The following TSPAN9 variants were observed in gnomAD, a reference collection of about 807,000 sequenced individuals.
The protein encoded by TSPAN9 is tetraspanin-9.
A neutral mutation model predicts 31.0 loss-of-function variants in TSPAN9; 16 were observed. The observed-to-expected ratio is 0.52, with a 90% CI of 0.35 to 0.78. The LOEUF (loss-of-function observed/expected upper bound fraction) is 0.78. TSPAN9 is among the 30% of genes least tolerant of loss of function. The pLI is 0.01. For synonymous variants in TSPAN9, 145 were observed against 121.6 expected (o/e 1.19, Z -1.27); for missense variants, 272 against 312.5 (o/e 0.87, Z 0.98).
At chr12:3,189,639 C>T (rs897579574) in intron 2 of TSPAN9, among the ~76,000 whole-genome samples, 2 of 152,100 alleles carry the variant, frequency 1.3e-5, no homozygotes, top group Admixed American at 1.3e-4. Context: ...ATGGCTGATT[C>T]GAGGGTGTGA....
chr12:3,268,459 G>A (rs1424806841), intron 3 of TSPAN9, among the ~76,000 whole-genome samples: 2 of 143,774 alleles, frequency 1.4e-5, no homozygotes, highest in Non-Finnish European at 1.5e-5. Context: ...CCTGCAGCCT[G>A]CCCTCTGTGC....
chr12:3,108,435 A>T (rs930192431), intron 2 of TSPAN9, among the ~76,000 whole-genome samples: 24 of 152,160 alleles, frequency 1.6e-4, no homozygotes, highest in Admixed American at 4.6e-4. Context: ...TTCCAGTTTT[A>T]TTCCTTTGAA....
In TSPAN9 at chr12:3,274,940, C is replaced by T. The variant is rs547328586; in HGVS notation, c.64-3481C>T. ...AGAGGAAGCCTTCCAGTCCAGACTG[C>T]GCCCCCGTAGGGTAGGCCGCAGATC... On this transcript the variant is annotated intron_variant, in intron 3 of 8. Transcript: ENST00000011898. 8.5e-5 allele frequency among the ~76,000 whole-genome samples: 13 copies of T among 152,326 alleles called. No homozygotes were observed. In the East Asian group the frequency reaches 1.5e-3, roughly 18 times the overall value.
At chr12:3,176,930 A>G (rs377326661) in intron 2 of TSPAN9, among the ~76,000 whole-genome samples, 19 of 152,312 alleles carry the variant, frequency 1.2e-4, no homozygotes, top group African/African-American at 3.8e-4. Context: ...GAGTATTAGG[A>G]AGGTGCCCCG....
intron 2 of TSPAN9, among the ~76,000 whole-genome samples, chr12:3,117,587 G>A (rs2098323028): frequency 6.6e-6 from 1 of 152,152 alleles, no homozygotes; most frequent in African/African-American, 2.4e-5. Context: ...GCTCTGCCCC[G>A]GGGCAGGCAG....
At chr12:3,103,513 G>T (rs1017698325) in intron 2 of TSPAN9, among the ~76,000 whole-genome samples, 1 of 152,154 alleles carries the variant, frequency 6.6e-6, no homozygotes, top group Non-Finnish European at 1.5e-5. Context: ...GACCTCAAAG[G>T]TCCCTAAACT....
chr12:3,134,425 G>C (rs1293441756), intron 2 of TSPAN9, among the ~76,000 whole-genome samples: 1 of 152,202 alleles, frequency 6.6e-6, no homozygotes, highest in African/African-American at 2.4e-5. Flanking sequence ...AAGGTTCAAG[G>C]AGGGAAGAAA....
At chr12:3,252,829 G>A (rs1181820448) in intron 3 of TSPAN9, among the ~76,000 whole-genome samples, 16 of 152,208 alleles carry the variant, frequency 1.1e-4, no homozygotes, top group Non-Finnish European at 2.1e-4. Flanking sequence ...GCTGCTGGGG[G>A]CGTGTCACTT....
At chr12:3,162,310 A>T (rs1024588350) in intron 2 of TSPAN9, among the ~76,000 whole-genome samples, 5 of 152,230 alleles carry the variant, frequency 3.3e-5, no homozygotes, top group African/African-American at 1.2e-4. Flanking sequence ...CTGATCAATC[A>T]TCCAGCTTCA....
chr12:3,142,565 G>T (rs2098335359), intron 2 of TSPAN9, among the ~76,000 whole-genome samples: 1 of 152,178 alleles, frequency 6.6e-6, no homozygotes, highest in Non-Finnish European at 1.5e-5. Context: ...TAATCCTTTT[G>T]TGAAAATCCG....
chr12:3,185,078 C>A (rs2098360469), intron 2 of TSPAN9, among the ~76,000 whole-genome samples: 2 of 152,262 alleles, frequency 1.3e-5, no homozygotes, highest in African/African-American at 4.8e-5. Flanking sequence ...GTAGTGAAGA[C>A]TGTGTTCTCC....
intron 3 of TSPAN9, among the ~76,000 whole-genome samples, chr12:3,255,541 A>C (rs1379790606): frequency 6.6e-6 from 1 of 152,230 alleles, no homozygotes; most frequent in Non-Finnish European, 1.5e-5. Flanking sequence ...CCAAAGGCAC[A>C]TGGCCTTTGT....
At chr12:3,159,885 T>C (rs1349855759) in intron 2 of TSPAN9, among the ~76,000 whole-genome samples, 1 of 152,186 alleles carries the variant, frequency 6.6e-6, no homozygotes, top group Non-Finnish European at 1.5e-5. Flanking sequence ...GAAAATAAAC[T>C]TCTGTTGTTT....
chr12:3,098,085 AG>A (rs1162044075), intron 2 of TSPAN9, among the ~76,000 whole-genome samples: 25 of 152,218 alleles, frequency 1.6e-4, no homozygotes, highest in African/African-American at 5.5e-4. Flanking sequence ...CGGATGTGAC[AG>A]GCAGAGCGGG....
At chr12:3,235,028 G>C (rs1308568637) in intron 3 of TSPAN9, among the ~76,000 whole-genome samples, 1 of 148,160 alleles carries the variant, frequency 6.7e-6, no homozygotes, top group African/African-American at 2.5e-5. Context: ...TTAGCCGGGC[G>C]TGGTGGTGGG....
rs147562233 is a variant in TSPAN9, at chr12:3,283,111, G to C, written c.715G>C (p.Ala239Pro). ...HIHRTGKKYD[A>P] ...CCACCGGACTGGTAAGAAGTACGAC[G>C]CATGAGCGGGCTGGCCGGGAGTGCC... is the stretch of plus-strand genomic sequence containing the variant. The change falls in exon 9 of 9, where the codon GCA (alanine) becomes CCA (proline). Residue 239 changes from alanine (A) to proline (P), a missense_variant. Transcript: ENST00000011898. 6.2e-7 allele frequency: 1 copy of C among 1,608,330 alleles called. No homozygotes were observed. Among genetic ancestry groups the C allele is most frequent in the South Asian group, 1.1e-5 (1 of 91,060 alleles).
At chr12:3,264,057 A>C (rs1862499742) in intron 3 of TSPAN9, among the ~76,000 whole-genome samples, 1 of 152,160 alleles carries the variant, frequency 6.6e-6, no homozygotes, top group Admixed American at 6.5e-5. Flanking sequence ...CAAGTGTCTC[A>C]GTGATTTAGG....
chr12:3,148,468 C>T (rs1349546952), intron 2 of TSPAN9, among the ~76,000 whole-genome samples: 1 of 152,200 alleles, frequency 6.6e-6, no homozygotes, highest in Non-Finnish European at 1.5e-5. Flanking sequence ...TGGGGTTCCT[C>T]CTTCAGCACC....
chr12:3,132,967 G>A (rs183951751), intron 2 of TSPAN9, among the ~76,000 whole-genome samples: 20 of 152,236 alleles, frequency 1.3e-4, no homozygotes, highest in Admixed American at 2.6e-4. Flanking sequence ...AGATTGTCTC[G>A]AGAGGCGTTG....
Sources: allele counts gnomAD v4.1 joint callset (sites outside exome capture counted in the v4.1 genomes callset), GRCh38; gene constraint gnomAD v4.1.1; transcripts MANE v1.5; gene names NCBI Gene and HGNC (gene_info 2026-07-23, HGNC 2026-07-21).